The following PAWR variants were observed in gnomAD, a reference collection of about 807,000 sequenced individuals.
PAWR encodes the protein pro-apoptotic WT1 regulator, also known as PRKC apoptosis WT1 regulator protein.
Under a neutral mutation model 32.0 loss-of-function variants are expected in PAWR, and 23 were observed. That is an observed-to-expected ratio of 0.72 (90% CI 0.52 to 1.02). The LOEUF (loss-of-function observed/expected upper bound fraction) is 1.02, where lower values mean the gene tolerates loss of function less well. PAWR is among the 50% of genes least tolerant of loss of function. The pLI, the probability that PAWR is intolerant of heterozygous loss-of-function variation, is 0.00. For synonymous variants in PAWR, 226 were observed against 187.1 expected (o/e 1.21, Z -1.70); for missense variants, 457 against 437.7 (o/e 1.04, Z -0.39).
At chr12:79,653,477 GTGTTT>G (rs1329904893) in intron 2 of PAWR, among the ~76,000 whole-genome samples, 1 of 151,568 alleles carries the variant, frequency 6.6e-6, no homozygotes, top group African/African-American at 2.4e-5. Context: ...AATGTTTGCA[GTGTTT>G]TGTTTGTTTG....
chr12:79,657,456 T>C (rs1167934506), intron 2 of PAWR, among the ~76,000 whole-genome samples: 2 of 151,112 alleles, frequency 1.3e-5, no homozygotes, highest in East Asian at 3.9e-4. Flanking sequence ...ATATAGTAAC[T>C]AAGTTAAGGG....
At chr12:79,638,846 AT>A (rs1876103500) in intron 2 of PAWR, among the ~76,000 whole-genome samples, 1 of 90,098 alleles carries the variant, frequency 1.1e-5, no homozygotes, top group Admixed American at 1.8e-4. Flanking sequence ...ATATACATAT[AT>A]TTTTTGAGAT....
intron 2 of PAWR, among the ~76,000 whole-genome samples, chr12:79,656,622 G>C (rs1877107622): frequency 6.6e-6 from 1 of 152,136 alleles, no homozygotes; most frequent in Non-Finnish European, 1.5e-5. Flanking sequence ...AGGCAGACTA[G>C]CACACAGGTC....
chr12:79,639,693 G>C (rs374768248), intron 2 of PAWR, among the ~76,000 whole-genome samples: 2 of 152,002 alleles, frequency 1.3e-5, no homozygotes, highest in African/African-American at 2.4e-5. Flanking sequence ...TAAAAGTTTA[G>C]GTCTATATAA....
intron 2 of PAWR, among the ~76,000 whole-genome samples, chr12:79,629,165 T>C (rs942154870): frequency 2.6e-5 from 4 of 152,036 alleles, no homozygotes; most frequent in Admixed American, 2.0e-4. Context: ...ACTTCAATTA[T>C]TAAATGCACA....
chr12:79,616,825 A>G (rs1566003790), intron 3 of PAWR, among the ~76,000 whole-genome samples: 1 of 152,160 alleles, frequency 6.6e-6, no homozygotes, highest in African/African-American at 2.4e-5. Context: ...GAACTCCCAC[A>G]TACTACGTTG....
chr12:79,648,585 C>T (rs1453640531), intron 2 of PAWR, among the ~76,000 whole-genome samples: 1 of 146,942 alleles, frequency 6.8e-6, no homozygotes, highest in Non-Finnish European at 1.5e-5. Context: ...GAGTTCAAGA[C>T]CAACCTGGGC....
chr12:79,647,245 C>T (rs1876621943), intron 2 of PAWR, among the ~76,000 whole-genome samples: 1 of 151,466 alleles, frequency 6.6e-6, no homozygotes, highest in African/African-American at 2.4e-5. Flanking sequence ...AGGCATACTA[C>T]TGCAGAGATA....
At chr12:79,613,175 A>G (rs1322697663) in intron 4 of PAWR, among the ~76,000 whole-genome samples, 6 of 152,188 alleles carry the variant, frequency 3.9e-5, no homozygotes, top group Admixed American at 3.9e-4. Flanking sequence ...GAACCTGACA[A>G]TGGTGGACAT....
intron 2 of PAWR, among the ~76,000 whole-genome samples, chr12:79,666,994 C>A (rs935755762): frequency 8.5e-5 from 13 of 152,306 alleles, no homozygotes; most frequent in Non-Finnish European, 1.3e-4. Flanking sequence ...CTGCCTCTGA[C>A]CTAGAAGCCC....
chr12:79,657,420 T>TA (rs34575494), intron 2 of PAWR, among the ~76,000 whole-genome samples: 1,722 of 142,336 alleles, frequency 0.012, 32 homozygotes, highest in African/African-American at 0.032. Context: ...TCAATATATT[T>TA]AAAAAAAAAA....
chr12:79,675,093 C>T (rs1878097505), intron 2 of PAWR, among the ~76,000 whole-genome samples: 1 of 152,104 alleles, frequency 6.6e-6, no homozygotes, highest in Non-Finnish European at 1.5e-5. Context: ...CATTCTACCA[C>T]AGGGCCAGGC....
chr12:79,621,201 C>CTAA lies in PAWR; in HGVS notation c.520_522dup (p.Leu174dup), dbSNP rs779909569. Reference sequence around the variant, plus strand: ...CCTGCTTCATCATCTTCGTACTCATCTAAGCACTGAAAGAAAAAAAGAGTT... The same window carrying CTAA: ...CCTGCTTCATCATCTTCGTACTCATCTAATAAGCACTGAAAGAAAAAAAGAGTT... On this transcript the variant is annotated inframe_insertion, in exon 3 of 7. Transcript: ENST00000328827. The CTAA allele has an allele frequency of 6.3e-7, 1 of 1,598,734 alleles. No individual in the cohort carries two copies. Among genetic ancestry groups the CTAA allele is most frequent in the South Asian group, 1.1e-5 (1 of 88,140 alleles).
intron 2 of PAWR, among the ~76,000 whole-genome samples, chr12:79,687,933 G>C (rs11114213): frequency 6.6e-6 from 1 of 152,008 alleles, no homozygotes; most frequent in Non-Finnish European, 1.5e-5. Flanking sequence ...CAGAGACATA[G>C]TTACCACTAA....
rs1555177490 is a variant in PAWR, at chr12:79,664,661, G to GGGT, written c.516+25067_516+25068insACC. Reference sequence around the variant, plus strand: ...AAGGACAAAGTAGACTCTTTGGCGGGGGGGGGAGGAGAGAGAGAGAGTGGT... The same window carrying GGGT: ...AAGGACAAAGTAGACTCTTTGGCGGGGGTGGGGGGAGGAGAGAGAGAGAGTGGT... On this transcript the variant is annotated intron_variant, in intron 2 of 6. Transcript: ENST00000328827. 2.7e-5 allele frequency among the ~76,000 whole-genome samples: 4 copies of GGGT among 148,942 alleles called. 1 individual carries two copies. Among genetic ancestry groups the GGGT allele is most frequent in the African/African-American group, 1.0e-4 (4 of 39,662 alleles).
chr12:79,674,146 T>C (rs1183283914), intron 2 of PAWR, among the ~76,000 whole-genome samples: 2 of 152,100 alleles, frequency 1.3e-5, no homozygotes, highest in Admixed American at 6.5e-5. Flanking sequence ...AATACCCGAC[T>C]TCACTATACG....
At chr12:79,645,652 T>C (rs11114202) in intron 2 of PAWR, among the ~76,000 whole-genome samples, 1 of 152,174 alleles carries the variant, frequency 6.6e-6, no homozygotes, top group African/African-American at 2.4e-5. Context: ...TAACAGTACT[T>C]AGGAAAAACA....
At chr12:79,683,076 A>G (rs1017579294) in intron 2 of PAWR, among the ~76,000 whole-genome samples, 1 of 152,232 alleles carries the variant, frequency 6.6e-6, no homozygotes, top group Non-Finnish European at 1.5e-5. Context: ...AGACTTGTCT[A>G]AATTCTGGAA....
chr12:79,686,425 C>T (rs1878681532), intron 2 of PAWR, among the ~76,000 whole-genome samples: 1 of 152,070 alleles, frequency 6.6e-6, no homozygotes, highest in Non-Finnish European at 1.5e-5. Flanking sequence ...ATTTCTATAC[C>T]CAGACTGCAG....
Sources: allele counts gnomAD v4.1 joint callset (sites outside exome capture counted in the v4.1 genomes callset), GRCh38; gene constraint gnomAD v4.1.1; transcripts MANE v1.5; gene names NCBI Gene and HGNC (gene_info 2026-07-23, HGNC 2026-07-21).